Variants in SLC16A10 observed in about 807,000 individuals in gnomAD.
SLC16A10 encodes monocarboxylate transporter 10.
A neutral mutation model predicts 40.0 loss-of-function variants in SLC16A10; 27 were observed. The observed-to-expected ratio is 0.67, with a 90% CI of 0.50 to 0.93. The LOEUF (loss-of-function observed/expected upper bound fraction) is 0.93. Among genes scored for constraint, SLC16A10 ranks in the 40% least tolerant of loss-of-function variants. The pLI is 0.00. For missense variants in SLC16A10, 529 were observed against 658.2 expected, an observed-to-expected ratio of 0.80 and a Z score of 2.15; for synonymous variants, 213 against 249.8, an observed-to-expected ratio of 0.85 and a Z score of 1.39.
intron 1 of SLC16A10, among the ~76,000 whole-genome samples, chr6:111,150,233 G>T (rs1363125306): frequency 6.6e-6 from 1 of 152,234 alleles, no homozygotes; most frequent in African/African-American, 2.4e-5. Flanking sequence ...CCTCATGCAT[G>T]TGATGGCCTT....
At position 111,172,682 on chromosome 6, in the gene SLC16A10, C is replaced by T; in HGVS notation, c.344-13C>T. 4 of 1,608,574 alleles carry T rather than the reference C, an allele frequency of 2.5e-6. No individual in the cohort carries two copies. The highest frequency in any genetic ancestry group is 2.6e-6 in the Non-Finnish European group (3 of 1,176,014). On this transcript the variant is annotated splice_polypyrimidine_tract_variant and intron_variant, in intron 1 of 5. Coordinates refer to ENST00000368851, the MANE Select transcript of SLC16A10 (RefSeq NM_018593.5). ...ATGTCATAATTCCCCCCACGCTTTC[C>T]CTTCTTTTACAGCATGGGTAGGTTC...
chr6:111,118,455 G>A (rs1771526977), intron 1 of SLC16A10, among the ~76,000 whole-genome samples: 1 of 152,136 alleles, frequency 6.6e-6, no homozygotes, highest in Non-Finnish European at 1.5e-5. Flanking sequence ...GCCGAGGCGG[G>A]CGGATCACGA....
At chr6:111,165,868 A>C (rs971217887) in intron 1 of SLC16A10, among the ~76,000 whole-genome samples, 1 of 152,244 alleles carries the variant, frequency 6.6e-6, no homozygotes, top group Non-Finnish European at 1.5e-5. Flanking sequence ...CTGGGCTTCC[A>C]TTGTAAAATG....
At chr6:111,140,154 A>AT (rs945614308) in intron 1 of SLC16A10, among the ~76,000 whole-genome samples, 6 of 152,000 alleles carry the variant, frequency 3.9e-5, no homozygotes, top group East Asian at 1.9e-4. Flanking sequence ...CCTAAACCTA[A>AT]TTTTTTTTAA....
At chr6:111,094,210 C>A (rs1771032440) in intron 1 of SLC16A10, among the ~76,000 whole-genome samples, 1 of 152,150 alleles carries the variant, frequency 6.6e-6, no homozygotes, top group African/African-American at 2.4e-5. Flanking sequence ...CAGCCCCTGG[C>A]CATATACTTG....
intron 1 of SLC16A10, among the ~76,000 whole-genome samples, chr6:111,125,572 A>G (rs932173731): frequency 6.6e-6 from 1 of 152,182 alleles, no homozygotes; most frequent in African/African-American, 2.4e-5. Context: ...ATTTTTCTAG[A>G]CAGTCTGAAT....
At position 111,224,281 on chromosome 6, in the gene SLC16A10, G is replaced by C. The variant is rs1770952197; in HGVS notation, c.*2046G>C. ...AAATAAATGTTAAATTTTGTTTTAAGTTTTAGCACAGACTCCCCTCAAAAC... is the reference window on the plus strand; with the variant it reads ...AAATAAATGTTAAATTTTGTTTTAACTTTTAGCACAGACTCCCCTCAAAAC... On this transcript the variant is annotated 3_prime_UTR_variant, in exon 6 of 6. Coordinates refer to ENST00000368851, the MANE Select transcript of SLC16A10 (RefSeq NM_018593.5). 1.3e-5 allele frequency: 2 copies of C among 152,188 alleles called. No individual in the cohort carries two copies. Among genetic ancestry groups the C allele is most frequent in the South Asian group, 4.1e-4 (2 of 4,830 alleles). 9.4% of individuals were successfully genotyped at this position (152,188 alleles called of 1,614,324 possible). A position where few individuals can be genotyped will look rare whatever the true frequency, so the allele number is the denominator to read the frequency against.
chr6:111,189,735 C>A (rs1473506438), intron 3 of SLC16A10, among the ~76,000 whole-genome samples: 1 of 152,096 alleles, frequency 6.6e-6, no homozygotes, highest in African/African-American at 2.4e-5. Context: ...ACCATCAGAT[C>A]ACATGAGACT....
At chr6:111,163,766 A>G (rs1212668032) in intron 1 of SLC16A10, among the ~76,000 whole-genome samples, 2 of 152,214 alleles carry the variant, frequency 1.3e-5, no homozygotes, top group African/African-American at 4.8e-5. Context: ...ATGAAATACA[A>G]TTCCAGATTA....
intron 1 of SLC16A10, among the ~76,000 whole-genome samples, chr6:111,160,278 GC>G (rs1393898024): frequency 3.9e-5 from 6 of 152,186 alleles, no homozygotes; most frequent in Non-Finnish European, 8.8e-5. Context: ...TCACTCTGTT[GC>G]CCAGGCTGGA....
intron 4 of SLC16A10, among the ~76,000 whole-genome samples, chr6:111,208,175 C>T (rs976898055): frequency 4.6e-5 from 7 of 151,814 alleles, no homozygotes; most frequent in East Asian, 1.9e-4. Flanking sequence ...AACAGGGTTT[C>T]GCTGTGTTGC....
intron 1 of SLC16A10, among the ~76,000 whole-genome samples, chr6:111,148,831 A>G (rs1460434213): frequency 6.6e-6 from 1 of 152,194 alleles, no homozygotes; most frequent in Non-Finnish European, 1.5e-5. Context: ...CAATCAGGCC[A>G]GGCGTGGTGA....
At chr6:111,119,129 A>T (rs905505408) in intron 1 of SLC16A10, among the ~76,000 whole-genome samples, 1 of 152,176 alleles carries the variant, frequency 6.6e-6, no homozygotes, top group Admixed American at 6.5e-5. Flanking sequence ...TATCGCTGAC[A>T]CAAAAATAGG....
chr6:111,179,278 C>A (rs1772747173), intron 3 of SLC16A10, among the ~76,000 whole-genome samples: 1 of 152,152 alleles, frequency 6.6e-6, no homozygotes, highest in South Asian at 2.1e-4. Context: ...AAATTAATTT[C>A]ACATATATTA....
At chr6:111,199,825 T>C (rs62421952) in intron 3 of SLC16A10, among the ~76,000 whole-genome samples, 1 of 44,294 alleles carries the variant, frequency 2.3e-5, no homozygotes, top group Admixed American at 2.3e-4. Flanking sequence ...TCCAGGGAAA[T>C]TTAAAAAAAA....
intron 1 of SLC16A10, among the ~76,000 whole-genome samples, chr6:111,155,022 C>CA (rs397888706): frequency 0.21 from 11,379 of 53,050 alleles, 1,132 homozygotes; most frequent in African/African-American, 0.28. Flanking sequence ...GACTCCATCT[C>CA]AAAAAAAAAA....
chr6:111,207,281 C>A (rs1773271058), intron 4 of SLC16A10, among the ~76,000 whole-genome samples: 1 of 152,162 alleles, frequency 6.6e-6, no homozygotes, highest in African/African-American at 2.4e-5. Flanking sequence ...ATTGCTTTTT[C>A]TATGAAGAAT....
chr6:111,101,239 C>T (rs551213407), intron 1 of SLC16A10, among the ~76,000 whole-genome samples: 20 of 151,700 alleles, frequency 1.3e-4, no homozygotes, highest in Non-Finnish European at 2.6e-4. Flanking sequence ...GCCTTGTTGC[C>T]CAGGCTGGTC....
chr6:111,117,505 A>G (rs572214302), intron 1 of SLC16A10, among the ~76,000 whole-genome samples: 20 of 152,342 alleles, frequency 1.3e-4, no homozygotes, highest in South Asian at 4.1e-4. Flanking sequence ...CAATAATGCA[A>G]TTAACATCCT....
Sources: gnomAD v4.1 joint callset for allele counts (sites outside exome capture counted in the v4.1 genomes callset) on GRCh38, gnomAD v4.1.1 for gene constraint, MANE v1.5 for transcripts, NCBI Gene and HGNC (gene_info 2026-07-23, HGNC 2026-07-21) for gene names.